Variants in LIPG observed in about 807,000 individuals in gnomAD.
The protein encoded by LIPG is lipase G, endothelial type.
In LIPG, 34 loss-of-function variants were observed where a neutral mutation model predicts 51.8. The ratio of observed to expected loss-of-function variants is 0.66; its 90% CI spans 0.50 to 0.87. LIPG has a LOEUF of 0.87. Ranked by LOEUF, LIPG falls within the 40% of genes least tolerant of loss-of-function variation. The probability of loss-of-function intolerance (pLI) is 0.00; values close to 1 mark genes in which losing one functional copy is unlikely to be tolerated. For synonymous variants in LIPG, 246 were observed against 246.1 expected, an observed-to-expected ratio of 1.00 and a Z score of 0.00; for missense variants, 580 against 652.7, an observed-to-expected ratio of 0.89 and a Z score of 1.21.
chr18:49,562,120 T>TTG lies in LIPG; in HGVS notation c.-188_-187dup. ...GCAGATCTCGTTCTGGGGCAAGCCG[T>TTG]TGACACTCGCTCCCTGCCACCGCCC... On this transcript the variant is annotated 5_prime_UTR_variant, in exon 1 of 10. Transcript: ENST00000261292. 1 of 1,457,512 alleles carries TTG rather than the reference T, an allele frequency of 6.9e-7. No individual in the cohort carries two copies. 90.3% of individuals were successfully genotyped at this position (1,457,512 alleles called of 1,614,324 possible).
intron 9 of LIPG, 132 bp from the exon 10 acceptor site, chr18:49,590,369 T>C (rs1211235093): frequency 3.3e-6 from 3 of 922,050 alleles, no homozygotes; most frequent in Non-Finnish European, 5.2e-6. Flanking sequence ...CTGAAAGGAA[T>C]ACATGTAAAA....
At chr18:49,574,945 G>C (rs978501845) in intron 4 of LIPG, among the ~76,000 whole-genome samples, 4 of 152,144 alleles carry the variant, frequency 2.6e-5, no homozygotes, top group African/African-American at 9.7e-5. Context: ...TAAAAATTCT[G>C]CTACAATTAA....
Position 49,598,817 on chromosome 18 carries a change from G to C in LIPG, c.*8295G>C, listed in dbSNP as rs918045989. 1.3e-5 allele frequency: 2 copies of C among 152,254 alleles called. No individual in the cohort carries two copies. The highest frequency in any genetic ancestry group is 3.9e-4 in the East Asian group (2 of 5,192). 9.4% of individuals were successfully genotyped at this position (152,254 alleles called of 1,614,324 possible). A position where few individuals can be genotyped will look rare whatever the true frequency, so the allele number is the denominator to read the frequency against. On this transcript the variant is annotated 3_prime_UTR_variant, in exon 10 of 10. Transcript: ENST00000261292. ...ATCTGCTTTTTGTCCTTGTAGATTAGTTGCATTTTCTAGAATTTTGTATAA... is the reference window on the plus strand; with the variant it reads ...ATCTGCTTTTTGTCCTTGTAGATTACTTGCATTTTCTAGAATTTTGTATAA...
At chr18:49,578,335 C>G (rs2084753564) in intron 5 of LIPG, among the ~76,000 whole-genome samples, 1 of 139,310 alleles carries the variant, frequency 7.2e-6, no homozygotes, top group East Asian at 2.1e-4. Context: ...CGCTCCTCAC[C>G]TCCCAGACGG....
chr18:49,578,911 C>G (rs1258716912), intron 5 of LIPG, among the ~76,000 whole-genome samples: 1 of 146,434 alleles, frequency 6.8e-6, no homozygotes, highest in Non-Finnish European at 1.5e-5. Flanking sequence ...ACTCGGCAGG[C>G]TGAGGCAGGA....
chr18:49,590,993 G>T lies in LIPG; in HGVS notation c.*471G>T. On this transcript the variant is annotated 3_prime_UTR_variant, in exon 10 of 10. Coordinates refer to ENST00000261292, the MANE Select transcript of LIPG (RefSeq NM_006033.4). Reference sequence around the variant, plus strand: ...GTCAGGATGGCAGGCCTGGTATCTTGCTCGGGCCCTAGCTGTTGGGGTTCT... The same window carrying T: ...GTCAGGATGGCAGGCCTGGTATCTTTCTCGGGCCCTAGCTGTTGGGGTTCT... 1 of 260,906 alleles carries T rather than the reference G, an allele frequency of 3.8e-6. No homozygotes were observed. The highest frequency in any genetic ancestry group is 7.6e-6 in the Non-Finnish European group (1 of 132,126). The allele number at this position is 260,906 out of a possible 1,614,324, so 16.2% of individuals were successfully genotyped here.
chr18:49,562,885 G>A (rs910399130), intron 1 of LIPG, among the ~76,000 whole-genome samples: 10 of 152,204 alleles, frequency 6.6e-5, no homozygotes, highest in African/African-American at 2.4e-4. Flanking sequence ...TGCAGGGAGC[G>A]TCTGGTGGGT....
At chr18:49,567,378 A>C in intron 2 of LIPG, 64 bp from the exon 3 acceptor site, 1 of 1,514,446 alleles carries the variant, frequency 6.6e-7, no homozygotes, top group Non-Finnish European at 9.0e-7. Context: ...TATAGAAAGG[A>C]ATTCCATATT....
chr18:49,577,030 T>TTA (rs1304564718), intron 5 of LIPG, among the ~76,000 whole-genome samples: 9 of 151,928 alleles, frequency 5.9e-5, no homozygotes, highest in African/African-American at 2.2e-4. Context: ...TTATTTATTT[T>TTA]TTTTTTATTG....
At chr18:49,583,176 A>T (rs1190251054) in intron 7 of LIPG, among the ~76,000 whole-genome samples, 6 of 152,188 alleles carry the variant, frequency 3.9e-5, no homozygotes, top group African/African-American at 1.4e-4. Context: ...GAGCATCATT[A>T]ACTCTTTCCT....
intron 5 of LIPG, among the ~76,000 whole-genome samples, chr18:49,576,358 T>G (rs976200461): frequency 2.0e-5 from 3 of 151,886 alleles, no homozygotes; most frequent in South Asian, 4.1e-4. Flanking sequence ...GTTCTGCAAC[T>G]TTATTTTTAT....
chr18:49,583,407 A>G (rs2143970247), intron 7 of LIPG, 149 bp from the exon 8 acceptor site: 2 of 712,808 alleles, frequency 2.8e-6, no homozygotes, highest in Non-Finnish European at 5.1e-6. Flanking sequence ...GGTCCTGTTG[A>G]TAGGAAGTAG....
chr18:49,566,976 C>G (rs1600543523), intron 2 of LIPG, among the ~76,000 whole-genome samples: 1 of 152,212 alleles, frequency 6.6e-6, no homozygotes, highest in East Asian at 1.9e-4. Flanking sequence ...CGTAGTGATT[C>G]TGCCTGTGCT....
intron 5 of LIPG, among the ~76,000 whole-genome samples, chr18:49,577,432 C>T (rs1468933435): frequency 6.9e-6 from 1 of 144,122 alleles, no homozygotes; most frequent in Non-Finnish European, 1.5e-5. Flanking sequence ...TACACAGACA[C>T]GGCAACCATC....
intron 5 of LIPG, among the ~76,000 whole-genome samples, chr18:49,577,547 G>A (rs1224126952): frequency 3.3e-5 from 5 of 149,778 alleles, no homozygotes; most frequent in African/African-American, 7.5e-5. Flanking sequence ...CCTCCCAGAC[G>A]GGGTGGTGGC....
chr18:49,586,288 A>C (rs902156150), intron 8 of LIPG, among the ~76,000 whole-genome samples: 1 of 152,258 alleles, frequency 6.6e-6, no homozygotes, highest in African/African-American at 2.4e-5. Context: ...AGAAATCAGC[A>C]AGCAGTTTCA....
intron 9 of LIPG, among the ~76,000 whole-genome samples, chr18:49,587,933 C>G (rs1379971672): frequency 1.3e-5 from 2 of 152,112 alleles, no homozygotes; most frequent in Non-Finnish European, 2.9e-5. Flanking sequence ...GGACCACAGG[C>G]ACTTGCCACC....
At chr18:49,586,965 A>C in intron 9 of LIPG, 115 bp downstream of exon 9, 1 of 797,134 alleles carries the variant, frequency 1.3e-6, no homozygotes, top group Non-Finnish European at 2.1e-6. Context: ...AACAGATAAA[A>C]ATCTCTTCCT....
intron 9 of LIPG, 52 bp from the exon 10 acceptor site, chr18:49,590,449 C>T (rs770322293): frequency 1.3e-4 from 205 of 1,572,860 alleles, no homozygotes; most frequent in East Asian, 2.1e-4. Context: ...CAGGTTTGCG[C>T]GTTTGCTGGT....
Sources: gnomAD v4.1 joint callset for allele counts (sites outside exome capture counted in the v4.1 genomes callset) on GRCh38, gnomAD v4.1.1 for gene constraint, MANE v1.5 for transcripts, NCBI Gene and HGNC (gene_info 2026-07-23, HGNC 2026-07-21) for gene names.